The following ZFP91 variants were observed in gnomAD, a reference collection of about 807,000 sequenced individuals.
ZFP91 encodes the protein E3 ubiquitin-protein ligase ZFP91.
ZFP91 carries 7 observed loss-of-function variants against 63.5 expected under a neutral mutation model. The observed-to-expected ratio is 0.11, with a 90% CI of 0.06 to 0.21. The LOEUF is 0.21. Among genes scored for constraint, ZFP91 ranks in the 10% least tolerant of loss-of-function variants. The pLI is 1.00. For missense variants in ZFP91, 628 were observed against 736.6 expected, an observed-to-expected ratio of 0.85 and a Z score of 1.71; for synonymous variants, 330 against 272.1, an observed-to-expected ratio of 1.21 and a Z score of -2.10.
intron 2 of ZFP91, among the ~76,000 whole-genome samples, chr11:58,598,284 T>A (rs1355721673): frequency 6.6e-6 from 1 of 152,042 alleles, no homozygotes; most frequent in Non-Finnish European, 1.5e-5. Context: ...TCAAATAGAG[T>A]GGTATCTATA....
intron 6 of ZFP91, 116 bp from the exon 7 acceptor site, chr11:58,612,162 G>C: frequency 9.8e-7 from 1 of 1,020,552 alleles, no homozygotes; most frequent in Non-Finnish European, 1.5e-6. Context: ...ATGTATTCTT[G>C]GTTATCCTTT....
chr11:58,614,027 C>CACT (rs375341059), intron 8 of ZFP91, among the ~76,000 whole-genome samples: 1,658 of 152,246 alleles, frequency 0.011, 38 homozygotes, highest in African/African-American at 0.038. Context: ...ATTACAAAGG[C>CACT]TAGTGAATGA....
At position 58,617,111 on chromosome 11, in the gene ZFP91, T is replaced by C; in HGVS notation, c.1203-85T>C. 1.6e-6 allele frequency: 2 copies of C among 1,212,256 alleles called. No individual in the cohort carries two copies. Among genetic ancestry groups the C allele is most frequent in the Non-Finnish European group, 2.3e-6 (2 of 872,050 alleles). The allele number at this position is 1,212,256 out of a possible 1,614,324, so 75.1% of individuals were successfully genotyped here. On this transcript the variant is annotated intron_variant, in intron 10 of 10. Transcript: ENST00000316059. This position sits in a 1 kb window ranked among gnomAD's most constrained non-coding sequence, Gnocchi z 4.2. ...GTGTGTGTGTGTGTATGTATATATA[T>C]GCTCTAAACTCTAACCCTGATCCTG...
At chr11:58,583,571 G>T (rs1855154391) in intron 1 of ZFP91, among the ~76,000 whole-genome samples, 1 of 151,992 alleles carries the variant, frequency 6.6e-6, no homozygotes, top group South Asian at 2.1e-4. Flanking sequence ...CTGTGATCAG[G>T]ATCTTAATCA....
chr11:58,589,281 C>T (rs530772202), intron 2 of ZFP91, among the ~76,000 whole-genome samples: 2 of 152,220 alleles, frequency 1.3e-5, no homozygotes, highest in South Asian at 2.1e-4. Flanking sequence ...CACTGTGTTG[C>T]CTAGCCTGGT....
intron 2 of ZFP91, among the ~76,000 whole-genome samples, chr11:58,598,806 TAAC>T (rs770911411): frequency 2.9e-4 from 44 of 150,348 alleles, no homozygotes; most frequent in Non-Finnish European, 5.0e-4. Flanking sequence ...GAAATTCACA[TAAC>T]AAAAAAATAG....
Position 58,617,165 on chromosome 11 carries a change from G to A in ZFP91, c.1203-31G>A. The A allele has an allele frequency of 6.5e-7, 1 of 1,537,170 alleles. No homozygotes were observed. Among genetic ancestry groups the A allele is most frequent in the South Asian group, 1.3e-5 (1 of 77,370 alleles). On this transcript the variant is annotated intron_variant, in intron 10 of 10. Transcript: ENST00000316059. The surrounding 1 kb of genome is among the most constrained non-coding windows in gnomAD (Gnocchi z 4.2). ...AAGAGCACTCTTTATTTCTCTGTTG[G>A]ATCAGCCATTTCCTTTTCTCCTCTC... is the stretch of plus-strand genomic sequence containing the variant.
At chr11:58,588,561 A>G (rs967080201) in intron 2 of ZFP91, among the ~76,000 whole-genome samples, 1 of 152,124 alleles carries the variant, frequency 6.6e-6, no homozygotes, top group Non-Finnish European at 1.5e-5. Context: ...ATAGATTTCA[A>G]CAGTTTTATT....
At chr11:58,585,343 A>G (rs987600897) in intron 2 of ZFP91, among the ~76,000 whole-genome samples, 8 of 152,264 alleles carry the variant, frequency 5.3e-5, no homozygotes, top group African/African-American at 1.9e-4. Flanking sequence ...TGTATGTATT[A>G]TAGTTTTCTG....
chr11:58,610,823 T>G, intron 4 of ZFP91, 127 bp from the exon 5 acceptor site: 1 of 698,150 alleles, frequency 1.4e-6, no homozygotes, highest in Non-Finnish European at 2.3e-6. Context: ...TCCAATTAGG[T>G]CATTAGGATG....
chr11:58,582,724 A>G (rs937503588), intron 1 of ZFP91, among the ~76,000 whole-genome samples: 3 of 152,198 alleles, frequency 2.0e-5, no homozygotes, highest in African/African-American at 4.8e-5. Context: ...TTCATTTATA[A>G]TTGATATTTT....
intron 2 of ZFP91, among the ~76,000 whole-genome samples, chr11:58,606,930 C>G (rs961532345): frequency 1.3e-5 from 2 of 151,996 alleles, no homozygotes; most frequent in Admixed American, 1.3e-4. Flanking sequence ...GCTGTCATCT[C>G]TGACAGAGTG....
In ZFP91 at chr11:58,617,431, C is replaced by G; in HGVS notation, c.1438C>G (p.Pro480Ala). 6.2e-7 allele frequency: 1 copy of G among 1,613,744 alleles called. No homozygotes were observed. Among genetic ancestry groups the G allele is most frequent in the Non-Finnish European group, 8.5e-7 (1 of 1,179,838 alleles). Residue 480 changes from proline to alanine, a missense_variant, in exon 11 of 11, where the codon CCA becomes GCA. This residue lies in a region of ZFP91 where 115 missense variants were observed against 125.4 expected (regional missense o/e 0.92). Coordinates refer to ENST00000316059, the MANE Select transcript of ZFP91 (RefSeq NM_053023.5). The surrounding 1 kb of genome is among the most constrained non-coding windows in gnomAD (Gnocchi z 4.2). ...CAGCACAGATATCTTGGGCACTAAC[C>G]CAGAGTCCCTGACGCAGCCTTCAGA... ...ITSTDILGTNPESLTQPSDGQ... is the reference protein window; with the variant it reads ...ITSTDILGTNAESLTQPSDGQ...
rs1190382246 is a variant in ZFP91, at chr11:58,579,359, G to T, written c.78G>T (p.Pro26=). Residue 26 remains proline, a synonymous_variant, in exon 1 of 11, where the codon CCG becomes CCT. Transcript: ENST00000316059. ...QEGGEAAKAA[P]EEPQQRPPEA... is the part of the protein sequence containing the mutation. Reference sequence around the variant, plus strand: ...GGGGAGAGGCGGCCAAGGCGGCTCCGGAGGAGCCCCAACAACGGCCCCCTG... The same window carrying T: ...GGGGAGAGGCGGCCAAGGCGGCTCCTGAGGAGCCCCAACAACGGCCCCCTG... 2 of 1,493,338 alleles carry T rather than the reference G, an allele frequency of 1.3e-6. No individual in the cohort carries two copies. Among genetic ancestry groups the T allele is most frequent in the African/African-American group, 2.9e-5 (2 of 67,846 alleles). The allele number at this position is 1,493,338 out of a possible 1,614,324, so 92.5% of individuals were successfully genotyped here.
intron 2 of ZFP91, among the ~76,000 whole-genome samples, chr11:58,604,956 C>T (rs1855548119): frequency 1.3e-5 from 2 of 152,136 alleles, no homozygotes; most frequent in Admixed American, 6.5e-5. Context: ...TGTAAACTAC[C>T]GATAAGAATG....
intron 2 of ZFP91, among the ~76,000 whole-genome samples, chr11:58,606,571 GA>G (rs1192531041): frequency 6.6e-6 from 1 of 152,092 alleles, no homozygotes; most frequent in Non-Finnish European, 1.5e-5. Context: ...TGTATGATAT[GA>G]AATTTAGGAT....
chr11:58,596,838 C>T (rs1855412505), intron 2 of ZFP91, among the ~76,000 whole-genome samples: 1 of 152,062 alleles, frequency 6.6e-6, no homozygotes, highest in South Asian at 2.1e-4. Context: ...ATGGCATCTT[C>T]AGTGGTGTAA....
At chr11:58,592,774 G>T (rs897872608) in intron 2 of ZFP91, among the ~76,000 whole-genome samples, 1 of 152,178 alleles carries the variant, frequency 6.6e-6, no homozygotes, top group Non-Finnish European at 1.5e-5. Context: ...AGTCCCTTTT[G>T]AGTTGCTAGA....
In ZFP91 at chr11:58,579,750, A is replaced by T. The variant is rs974560373; in HGVS notation, c.341+128A>T. ...GCCCCCTGCCGGCTCCGCACGCCAG[A>T]TGTCACACCGTTTCCCCGGGAGCCT... On this transcript the variant is annotated intron_variant, in intron 1 of 10. Transcript: ENST00000316059. 17 of 877,496 alleles carry T rather than the reference A, an allele frequency of 1.9e-5. No homozygotes were observed. The African/African-American group carries it at 2.0e-4, about 10-fold the overall frequency. 54.4% of individuals were successfully genotyped at this position (877,496 alleles called of 1,614,324 possible).
Sources: gnomAD v4.1 joint callset for allele counts (sites outside exome capture counted in the v4.1 genomes callset) on GRCh38, gnomAD v4.1.1 for gene constraint, gnomAD v4.1.1 regional missense constraint, Gnocchi (gnomAD v3.1) non-coding constraint, MANE v1.5 for transcripts, NCBI Gene and HGNC (gene_info 2026-07-23, HGNC 2026-07-21) for gene names.